PAG1: variants seen among roughly 807,000 people sequenced by gnomAD.
The protein encoded by PAG1 is phosphoprotein membrane anchor with glycosphingolipid microdomains 1.
A neutral mutation model predicts 31.7 loss-of-function variants in PAG1; 23 were observed. That is an observed-to-expected ratio of 0.73 (90% CI 0.52 to 1.03). The LOEUF (loss-of-function observed/expected upper bound fraction) is 1.03, where lower values mean the gene tolerates loss of function less well. Ranked by LOEUF, PAG1 falls within the 50% of genes least tolerant of loss-of-function variation. PAG1 has a pLI of 0.00. For missense variants in PAG1, 473 were observed against 540.7 expected, an observed-to-expected ratio of 0.87 and a Z score of 1.24; for synonymous variants, 214 against 210.3, an observed-to-expected ratio of 1.02 and a Z score of -0.15.
At chr8:81,104,785 C>A (rs1282142473) in intron 1 of PAG1, among the ~76,000 whole-genome samples, 1 of 151,976 alleles carries the variant, frequency 6.6e-6, no homozygotes, top group Admixed American at 6.6e-5. Flanking sequence ...TATTCAAAAG[C>A]TTTTTTTGCA....
At chr8:81,001,424 T>C (rs1182613212) in intron 3 of PAG1, among the ~76,000 whole-genome samples, 1 of 152,202 alleles carries the variant, frequency 6.6e-6, no homozygotes, top group Non-Finnish European at 1.5e-5. Flanking sequence ...CTCTGTCCTC[T>C]CAAGTGATGC....
At chr8:81,036,309 C>G (rs535130729) in intron 2 of PAG1, among the ~76,000 whole-genome samples, 24 of 152,210 alleles carry the variant, frequency 1.6e-4, no homozygotes, top group African/African-American at 4.6e-4. Context: ...CCTACCAAAC[C>G]AGTTATTAAC....
At chr8:81,039,493 G>A (rs1336984944) in intron 2 of PAG1, 2 of 152,220 alleles carry the variant, frequency 1.3e-5, no homozygotes, top group African/African-American at 4.8e-5. Context: ...AGAGCCATCA[G>A]AGGGAACACG....
intron 1 of PAG1, among the ~76,000 whole-genome samples, chr8:81,090,381 G>A (rs150708918): frequency 1.3e-5 from 2 of 152,282 alleles, no homozygotes; most frequent in African/African-American, 2.4e-5. Context: ...TTACTTAGAT[G>A]AGGACAATTA....
At chr8:81,011,484 G>A (rs1807984070) in intron 3 of PAG1, among the ~76,000 whole-genome samples, 1 of 152,120 alleles carries the variant, frequency 6.6e-6, no homozygotes, top group Admixed American at 6.5e-5. Context: ...ATGGAACTGT[G>A]AGTCCATTAA....
At chr8:81,007,636 CAAAAAAAAA>C (rs58612249) in intron 3 of PAG1, among the ~76,000 whole-genome samples, 3 of 49,734 alleles carry the variant, frequency 6.0e-5, no homozygotes, top group African/African-American at 1.7e-4. Flanking sequence ...GACTCTGTCT[CAAAAAAAAA>C]AAAAAAAAAA....
At chr8:81,052,407 AC>A (rs1158582591) in intron 2 of PAG1, among the ~76,000 whole-genome samples, 2 of 150,652 alleles carry the variant, frequency 1.3e-5, no homozygotes, top group Non-Finnish European at 2.9e-5. Context: ...GTTGACAAAA[AC>A]GGCATTGAGA....
intron 3 of PAG1, among the ~76,000 whole-genome samples, chr8:81,009,672 G>T (rs777464146): frequency 2.0e-5 from 3 of 152,130 alleles, no homozygotes; most frequent in Admixed American, 6.5e-5. Context: ...GAGTACAGTG[G>T]TGTGATCATA....
chr8:81,068,568 C>A (rs1186840562), intron 2 of PAG1, among the ~76,000 whole-genome samples: 2 of 152,164 alleles, frequency 1.3e-5, no homozygotes, highest in African/African-American at 4.8e-5. Context: ...AGAAAAAAAG[C>A]TCAGCTTGAG....
intron 3 of PAG1, among the ~76,000 whole-genome samples, chr8:81,007,743 C>T (rs2130644826): frequency 6.6e-6 from 1 of 151,378 alleles, no homozygotes; most frequent in East Asian, 1.9e-4. Context: ...GCCACTGAGG[C>T]TTTGAGGAGG....
At chr8:81,110,682 T>C (rs540808717) in intron 1 of PAG1, among the ~76,000 whole-genome samples, 2 of 152,344 alleles carry the variant, frequency 1.3e-5, no homozygotes, top group African/African-American at 4.8e-5. Flanking sequence ...CTCTGCACAA[T>C]GCATGCTATT....
intron 1 of PAG1, among the ~76,000 whole-genome samples, chr8:81,082,966 A>ATT (rs35125651): frequency 6.9e-6 from 1 of 144,568 alleles, no homozygotes; most frequent in African/African-American, 2.5e-5. Flanking sequence ...ATCACAAGTG[A>ATT]TTTTTTTTTT....
intron 3 of PAG1, among the ~76,000 whole-genome samples, chr8:81,021,755 C>T (rs918382276): frequency 3.3e-5 from 5 of 151,890 alleles, no homozygotes; most frequent in East Asian, 1.9e-4. Flanking sequence ...AAAAAGAATT[C>T]GACATTTAGA....
At chr8:81,064,407 T>C (rs1331482230) in intron 2 of PAG1, among the ~76,000 whole-genome samples, 1 of 152,142 alleles carries the variant, frequency 6.6e-6, no homozygotes, top group Non-Finnish European at 1.5e-5. Context: ...AAACCCCTGC[T>C]CTAAAGGAAC....
chr8:81,059,148 A>G (rs1389830344), intron 2 of PAG1, among the ~76,000 whole-genome samples: 2 of 152,148 alleles, frequency 1.3e-5, no homozygotes, highest in Non-Finnish European at 2.9e-5. Context: ...ATGTACTTTA[A>G]AACATGTCCA....
intron 2 of PAG1, among the ~76,000 whole-genome samples, chr8:81,065,588 A>T (rs1009936598): frequency 3.9e-5 from 6 of 152,142 alleles, no homozygotes; most frequent in African/African-American, 1.4e-4. Flanking sequence ...CTGTGCTAAG[A>T]TCAGACTGCT....
chr8:81,051,206 A>AT (rs1808722481), intron 2 of PAG1, among the ~76,000 whole-genome samples: 1 of 152,234 alleles, frequency 6.6e-6, no homozygotes, highest in Admixed American at 6.5e-5. Flanking sequence ...ATGTAAAATG[A>AT]GCACTACTGG....
At chr8:81,060,756 C>A (rs566309968) in intron 2 of PAG1, among the ~76,000 whole-genome samples, 1 of 152,326 alleles carries the variant, frequency 6.6e-6, no homozygotes, top group African/African-American at 2.4e-5. Flanking sequence ...GTCACTACTT[C>A]AAAGTGTGAA....
At chr8:81,073,750 C>G (rs1435598208) in intron 1 of PAG1, among the ~76,000 whole-genome samples, 1 of 152,202 alleles carries the variant, frequency 6.6e-6, no homozygotes. Context: ...AGGTGGGGAA[C>G]AAACCCACCA....
Sources: gnomAD v4.1 joint callset for allele counts (sites outside exome capture counted in the v4.1 genomes callset) on GRCh38, gnomAD v4.1.1 for gene constraint, MANE v1.5 for transcripts, NCBI Gene and HGNC (gene_info 2026-07-23, HGNC 2026-07-21) for gene names.